Variants in SETX observed in about 807,000 individuals in gnomAD.
SETX encodes the protein helicase senataxin.
SETX carries 90 observed loss-of-function variants against 227.2 expected under a neutral mutation model. That is an observed-to-expected ratio of 0.40 (90% CI 0.33 to 0.47). The LOEUF (loss-of-function observed/expected upper bound fraction) is 0.47, where lower values mean the gene tolerates loss of function less well. Ranked by LOEUF, SETX falls within the 20% of genes least tolerant of loss-of-function variation. The pLI is 0.91. For synonymous variants in SETX, 1,210 were observed against 1,113.2 expected (o/e 1.09, Z -1.73); for missense variants, 3,052 against 3,181.5 (o/e 0.96, Z 0.98).
chr9:132,300,988 T>C (rs1352525298), intron 11 of SETX, among the ~76,000 whole-genome samples, 185 bp from the exon 12 acceptor site: 2 of 151,882 alleles, frequency 1.3e-5, no homozygotes, highest in African/African-American at 4.8e-5. Flanking sequence ...ATATCAATTA[T>C]AGAATATAGT....
At chr9:132,347,952 G>T (rs1445752234) in intron 3 of SETX, among the ~76,000 whole-genome samples, 1 of 151,726 alleles carries the variant, frequency 6.6e-6, no homozygotes, top group Non-Finnish European at 1.5e-5. Flanking sequence ...CAAATATTTA[G>T]AATTATATCT....
Position 132,311,789 on chromosome 9 carries a change from G to C in SETX, c.5342C>G (p.Pro1781Arg). 12 of 1,613,578 alleles carry C rather than the reference G, an allele frequency of 7.4e-6. No individual in the cohort carries two copies. The highest frequency in any genetic ancestry group is 1.0e-5 in the Non-Finnish European group (12 of 1,179,812). Residue 1781 changes from proline (P) to arginine (R), a missense_variant, in exon 11 of 26, where the codon CCT (proline) becomes CGT (arginine). Transcript: ENST00000224140. ...CTCCCAGTATTTTATATAATCGGCA[G>C]GAAATTTTCGTACTTGCAACTGATA... ...NFYQLQVRKF[P>R]ADYIKYWEFA...
At chr9:132,279,384 G>A (rs1843365302) in intron 20 of SETX, among the ~76,000 whole-genome samples, 1 of 151,988 alleles carries the variant, frequency 6.6e-6, no homozygotes, top group Non-Finnish European at 1.5e-5. Context: ...TGCATGTTGT[G>A]AACATGTACC....
intron 11 of SETX, among the ~76,000 whole-genome samples, chr9:132,303,353 A>C (rs940667793): frequency 6.6e-5 from 10 of 151,830 alleles, no homozygotes; most frequent in Admixed American, 3.3e-4. Context: ...AAAAAAAAAA[A>C]AAACCCTTAA....
chr9:132,297,022 T>G lies in SETX; in HGVS notation c.5814A>C (p.Gln1938His). ...CATATGCAGTTTCTATTGCTTTCTT[T>G]TGATCTTCATTGAAATCTCTTAAGT... ...IAYLRDFNED[Q>H]KKAIETAYAM... The change falls in exon 14 of 26, where the codon CAA becomes CAC. Residue 1938 changes from glutamine to histidine, a missense_variant. By Grantham distance (24) the Gln-to-His change is conservative (BLOSUM62 0). Around this residue, in one of 10 missense-constraint regions of SETX, gnomAD observed 239 missense variants for 272.1 expected, o/e 0.88. Transcript: ENST00000224140. 2 of 1,613,870 alleles carry G rather than the reference T, an allele frequency of 1.2e-6. No individual in the cohort carries two copies. The highest frequency in any genetic ancestry group is 1.7e-6 in the Non-Finnish European group (2 of 1,179,848).
chr9:132,272,752 A>G (rs1265654691), intron 23 of SETX, among the ~76,000 whole-genome samples: 1 of 152,218 alleles, frequency 6.6e-6, no homozygotes, highest in Non-Finnish European at 1.5e-5. Flanking sequence ...AAATGTGATT[A>G]TTTGTGACTG....
Position 132,281,573 on chromosome 9 carries a change from G to A in SETX, c.6548C>T (p.Ala2183Val). The A allele has an allele frequency of 2.5e-6, 4 of 1,605,622 alleles. No individual in the cohort carries two copies. The highest frequency in any genetic ancestry group is 3.4e-6 in the Non-Finnish European group (4 of 1,172,358). Residue 2183 changes from alanine (A) to valine (V), a missense_variant and splice_region_variant, in exon 20 of 26, where the codon GCT becomes GTT. Coordinates refer to ENST00000224140, the MANE Select transcript of SETX (RefSeq NM_015046.7). ...AGTCTCAATTTCACAAGACTGTCCA[G>A]CCTTGGTAAGATACAGAAGAGAGAG... ...VPFSCVIVDE[A>V]GQSCEIETLT...
intron 3 of SETX, 98 bp downstream of exon 3, chr9:132,349,154 C>A: frequency 8.4e-7 from 1 of 1,197,052 alleles, no homozygotes; most frequent in South Asian, 1.3e-5. Flanking sequence ...AAGTTGAAAT[C>A]GTATCATCAT....
At chr9:132,277,378 T>C (rs773432626) in intron 21 of SETX, among the ~76,000 whole-genome samples, 3 of 152,106 alleles carry the variant, frequency 2.0e-5, no homozygotes, top group African/African-American at 4.8e-5. Flanking sequence ...ACAAGTATGA[T>C]TGGAAAGACA....
In SETX at chr9:132,263,850, GA is replaced by G. The variant is rs1320358704; in HGVS notation, c.*388del. ...TATAAAGTTTGTTCTGTTGAAAACT[GA>G]TTAACATTTTAAACAGGGGGAAAGA... On this transcript the variant is annotated 3_prime_UTR_variant, in exon 26 of 26. Coordinates refer to ENST00000224140, the MANE Select transcript of SETX (RefSeq NM_015046.7). The G allele has an allele frequency of 1.4e-5, 3 of 208,082 alleles. No individual in the cohort carries two copies. The highest frequency in any genetic ancestry group is 7.2e-5 in the African/African-American group (3 of 41,922). 12.9% of individuals were successfully genotyped at this position (208,082 alleles called of 1,614,324 possible).
At chr9:132,295,269 T>C (rs546872626) in intron 15 of SETX, among the ~76,000 whole-genome samples, 2 of 152,306 alleles carry the variant, frequency 1.3e-5, no homozygotes, top group Non-Finnish European at 2.9e-5. Context: ...ATACAGATGG[T>C]AGGGTTAACA....
At chr9:132,310,873 ATCTTC>A (rs1205667009) in intron 11 of SETX, among the ~76,000 whole-genome samples, 2 of 152,186 alleles carry the variant, frequency 1.3e-5, no homozygotes, top group African/African-American at 4.8e-5. Flanking sequence ...GAATAAATAT[ATCTTC>A]TCTTCCTTAT....
At position 132,328,862 on chromosome 9, in the gene SETX, G is replaced by A. The variant is rs754782658; in HGVS notation, c.2736C>T (p.Pro912=). 3.1e-6 allele frequency: 5 copies of A among 1,613,940 alleles called. No homozygotes were observed. In the South Asian group the frequency reaches 5.5e-5, roughly 18 times the overall value. The change falls in exon 10 of 26, where the codon CCC becomes CCT. Residue 912 remains proline, a synonymous_variant. Transcript: ENST00000224140. The stretch of plus-strand genomic sequence containing the variant: ...CAGGTACAGTCATAAGATCTTTAAA[G>A]GGAGATGATTTCTTCTCTGAAGCAT... ...MTNASEKKSS[P]FKDLMTVPES... is the part of the protein sequence containing the mutation.
At chr9:132,348,854 G>C (rs1016731711) in intron 3 of SETX, among the ~76,000 whole-genome samples, 4 of 152,186 alleles carry the variant, frequency 2.6e-5, no homozygotes, top group Non-Finnish European at 5.9e-5. Context: ...CTTGAGTCCA[G>C]AAGGTTGAGG....
chr9:132,299,646 A>C (rs1844870351), intron 12 of SETX, among the ~76,000 whole-genome samples: 1 of 152,244 alleles, frequency 6.6e-6, no homozygotes, highest in Non-Finnish European at 1.5e-5. Context: ...TGCAATTGCC[A>C]AAAAGGCAGT....
At chr9:132,315,214 G>A (rs1251102989) in intron 10 of SETX, among the ~76,000 whole-genome samples, 1 of 152,130 alleles carries the variant, frequency 6.6e-6, no homozygotes, top group East Asian at 1.9e-4. Context: ...ACTGTGCCTG[G>A]CCAAAATATT....
In SETX at chr9:132,336,518, A is replaced by C; in HGVS notation, c.499-3T>G. On this transcript the variant is annotated splice_region_variant and splice_polypyrimidine_tract_variant and intron_variant, in intron 5 of 25. Transcript: ENST00000224140. ...GTCAAGATAGCCCAACGCCGAACCT[A>C]AATGCAGAATATATTTATTACTTAA... is the stretch of plus-strand genomic sequence containing the variant. The C allele has an allele frequency of 1.3e-6, 2 of 1,598,260 alleles. No individual in the cohort carries two copies. Among genetic ancestry groups the C allele is most frequent in the Non-Finnish European group, 1.7e-6 (2 of 1,165,540 alleles).
chr9:132,280,040 T>C (rs1344096159), intron 20 of SETX, among the ~76,000 whole-genome samples: 1 of 152,220 alleles, frequency 6.6e-6, no homozygotes, highest in Non-Finnish European at 1.5e-5. Flanking sequence ...TTGTCTGTTT[T>C]CTTCACTGTC....
At chr9:132,339,965 G>A (rs769175265) in intron 5 of SETX, among the ~76,000 whole-genome samples, 28 of 152,050 alleles carry the variant, frequency 1.8e-4, no homozygotes, top group Non-Finnish European at 3.4e-4. Context: ...TTTCTGGGAC[G>A]TCTTACATCT....
Sources: gnomAD v4.1 joint callset for allele counts (sites outside exome capture counted in the v4.1 genomes callset) on GRCh38, gnomAD v4.1.1 for gene constraint, gnomAD v4.1.1 regional missense constraint, MANE v1.5 for transcripts, NCBI Gene and HGNC (gene_info 2026-07-23, HGNC 2026-07-21) for gene names.